The following MKRN1 variants were observed in gnomAD, a reference collection of about 807,000 sequenced individuals.
MKRN1 encodes the protein E3 ubiquitin-protein ligase makorin-1.
Under a neutral mutation model 55.5 loss-of-function variants are expected in MKRN1, and 9 were observed. The observed-to-expected ratio is 0.16, with a 90% CI of 0.10 to 0.28. The LOEUF (loss-of-function observed/expected upper bound fraction) is 0.28, where lower values mean the gene tolerates loss of function less well. Among genes scored for constraint, MKRN1 ranks in the 10% least tolerant of loss-of-function variants. MKRN1 has a pLI of 1.00. For missense variants in MKRN1, 488 were observed against 626.7 expected, an observed-to-expected ratio of 0.78 and a Z score of 2.36; for synonymous variants, 253 against 235.9, an observed-to-expected ratio of 1.07 and a Z score of -0.66.
chr7:140,472,816 T>C (rs375635732), intron 1 of MKRN1, among the ~76,000 whole-genome samples: 5 of 150,138 alleles, frequency 3.3e-5, no homozygotes, highest in African/African-American at 1.2e-4. Flanking sequence ...TTAACTTACA[T>C]AACAAAAAGA....
At chr7:140,460,933 C>A (rs902080384) in intron 2 of MKRN1, among the ~76,000 whole-genome samples, 5 of 152,214 alleles carry the variant, frequency 3.3e-5, no homozygotes, top group Non-Finnish European at 7.3e-5. Context: ...TTTATGAAAA[C>A]GGCCTTTGGC....
At chr7:140,467,466 C>T (rs1158319099) in intron 2 of MKRN1, among the ~76,000 whole-genome samples, 3 of 151,836 alleles carry the variant, frequency 2.0e-5, no homozygotes, top group Non-Finnish European at 4.4e-5. Flanking sequence ...TCAGTAGAGA[C>T]GAGGTTTAAC....
Position 140,472,152 on chromosome 7 carries a change from G to A in MKRN1, c.186-141C>T, listed in dbSNP as rs537117334. 4.3e-5 allele frequency: 50 copies of A among 1,155,726 alleles called. 1 individual carries two copies. In the East Asian group the frequency reaches 1.2e-3, roughly 28 times the overall value. 71.6% of individuals were successfully genotyped at this position (1,155,726 alleles called of 1,614,324 possible). A position where few individuals can be genotyped will look rare whatever the true frequency, so the allele number is the denominator to read the frequency against. On this transcript the variant is annotated intron_variant, in intron 1 of 7. Coordinates refer to ENST00000255977, the MANE Select transcript of MKRN1 (RefSeq NM_013446.4). ...CACAAAGAAAGGGCCAGGCATGGTG[G>A]CTCATGCCTGTAATCCCAGTACCTT...
chr7:140,465,101 C>G (rs985862732), intron 2 of MKRN1, among the ~76,000 whole-genome samples: 1 of 152,144 alleles, frequency 6.6e-6, no homozygotes, highest in Non-Finnish European at 1.5e-5. Context: ...TAACCCTTTC[C>G]CTGGTTGGTT....
chr7:140,458,643 G>A (rs574810275), intron 4 of MKRN1, among the ~76,000 whole-genome samples: 3 of 152,266 alleles, frequency 2.0e-5, no homozygotes, highest in Non-Finnish European at 4.4e-5. Flanking sequence ...CATATTCAAT[G>A]TGAATCTCAG....
At position 140,463,889 on chromosome 7, in the gene MKRN1, A is replaced by G. The variant is rs187968634; in HGVS notation, c.315-3953T>C. The stretch of plus-strand genomic sequence containing the variant: ...GGGCGACAGAGCAAGACTCCATCTC[A>G]AAAAAAAAATAAAAAGAAATCCAGC... On this transcript the variant is annotated intron_variant, in intron 2 of 7. Transcript: ENST00000255977. 5.5e-3 allele frequency among the ~76,000 whole-genome samples: 810 copies of G among 147,368 alleles called. 6 individuals are homozygous for G. Among genetic ancestry groups the G allele is most frequent in the African/African-American group, 0.019 (768 of 39,428 alleles).
chr7:140,474,908 C>T (rs1218754266), intron 1 of MKRN1, among the ~76,000 whole-genome samples: 3 of 151,552 alleles, frequency 2.0e-5, no homozygotes, highest in African/African-American at 7.3e-5. Flanking sequence ...TAGTAGAGAA[C>T]GGGTTTCGTC....
intron 2 of MKRN1, 49 bp from the exon 3 acceptor site, chr7:140,459,985 G>T: frequency 6.6e-7 from 1 of 1,505,352 alleles, no homozygotes; most frequent in Non-Finnish European, 9.2e-7. Flanking sequence ...GGTGGCTCAA[G>T]CCTGTAATCC....
Position 140,479,434 on chromosome 7 carries a change from G to A in MKRN1, c.-90C>T. On this transcript the variant is annotated 5_prime_UTR_variant, in exon 1 of 8. Transcript: ENST00000255977. ...CGGGGAGAGGACGGCGAGGCCAGGCGAGGGGAGGGGAAGGACACTGAGGCA... is the reference window on the plus strand; with the variant it reads ...CGGGGAGAGGACGGCGAGGCCAGGCAAGGGGAGGGGAAGGACACTGAGGCA... 6 of 1,223,628 alleles carry A rather than the reference G, an allele frequency of 4.9e-6. No individual in the cohort carries two copies. Among genetic ancestry groups the A allele is most frequent in the Non-Finnish European group, 6.2e-6 (6 of 971,630 alleles). 75.8% of individuals were successfully genotyped at this position (1,223,628 alleles called of 1,614,324 possible).
chr7:140,464,282 T>C (rs1161000196), intron 2 of MKRN1, among the ~76,000 whole-genome samples: 4 of 152,090 alleles, frequency 2.6e-5, no homozygotes, highest in Non-Finnish European at 4.4e-5. Flanking sequence ...CTCCAGCCTA[T>C]AATTCCAGCT....
Position 140,461,981 on chromosome 7 carries a change from C to T in MKRN1, c.315-2045G>A, listed in dbSNP as rs577350751. 3.3e-5 allele frequency among the ~76,000 whole-genome samples: 5 copies of T among 152,274 alleles called. No homozygotes were observed. In the East Asian group the frequency reaches 5.8e-4, roughly 18 times the overall value. ...CTGGGCAACAAGAGCAAAACTCCAT[C>T]TCGAAAGAAAAGAAAAGACAATTAT... On this transcript the variant is annotated intron_variant, in intron 2 of 7. Transcript: ENST00000255977.
At chr7:140,478,284 A>C (rs575526244) in intron 1 of MKRN1, 3 of 152,352 alleles carry the variant, frequency 2.0e-5, no homozygotes, top group African/African-American at 4.8e-5. Flanking sequence ...TTCTGCGTAG[A>C]GCTAGGTAGT....
In MKRN1 at chr7:140,463,860, G is replaced by A. The variant is rs1794695610; in HGVS notation, c.315-3924C>T. 2.0e-5 allele frequency among the ~76,000 whole-genome samples: 3 copies of A among 152,038 alleles called. No homozygotes were observed. The South Asian group carries it at 6.2e-4, about 32-fold the overall frequency. On this transcript the variant is annotated intron_variant, in intron 2 of 7. Coordinates refer to ENST00000255977, the MANE Select transcript of MKRN1 (RefSeq NM_013446.4). ...GCTGAGATCGCGCCACTGCACTCCA[G>A]CCTGGGCGACAGAGCAAGACTCCAT...
At chr7:140,476,141 T>A (rs1795110163) in intron 1 of MKRN1, among the ~76,000 whole-genome samples, 1 of 152,104 alleles carries the variant, frequency 6.6e-6, no homozygotes, top group Non-Finnish European at 1.5e-5. Context: ...TAGGGAGAAA[T>A]GAGCACAAAC....
chr7:140,467,777 C>T (rs927583642), intron 2 of MKRN1, among the ~76,000 whole-genome samples: 22 of 151,552 alleles, frequency 1.5e-4, no homozygotes, highest in East Asian at 3.9e-4. Flanking sequence ...CTGAGGCGGG[C>T]GGATCACCTG....
At chr7:140,466,088 CAA>C (rs1348817002) in intron 2 of MKRN1, among the ~76,000 whole-genome samples, 1 of 151,604 alleles carries the variant, frequency 6.6e-6, no homozygotes, top group African/African-American at 2.4e-5. Flanking sequence ...TCAAAAAAAA[CAA>C]AAAAAGATAA....
At chr7:140,463,280 C>G (rs990200850) in intron 2 of MKRN1, among the ~76,000 whole-genome samples, 6 of 152,280 alleles carry the variant, frequency 3.9e-5, no homozygotes, top group African/African-American at 1.4e-4. Flanking sequence ...CACTCATGAA[C>G]TGTGGGGAAG....
chr7:140,472,298 G>C (rs943246567), intron 1 of MKRN1: 2 of 350,606 alleles, frequency 5.7e-6, no homozygotes, highest in Non-Finnish European at 1.1e-5. Context: ...GGCTGGTGTG[G>C]TGGCACACAT....
intron 2 of MKRN1, among the ~76,000 whole-genome samples, chr7:140,462,851 A>G (rs1193133487): frequency 6.6e-6 from 1 of 152,170 alleles, no homozygotes; most frequent in Non-Finnish European, 1.5e-5. Flanking sequence ...CTGTAATCCC[A>G]CCTACTTGGG....
Sources: gnomAD v4.1 joint callset for allele counts (sites outside exome capture counted in the v4.1 genomes callset) on GRCh38, gnomAD v4.1.1 for gene constraint, MANE v1.5 for transcripts, NCBI Gene and HGNC (gene_info 2026-07-23, HGNC 2026-07-21) for gene names.